ESRRB: variants seen among roughly 807,000 people sequenced by gnomAD.
ESRRB encodes the protein estrogen related receptor beta, also known as steroid hormone receptor ERR2.
In ESRRB, 16 loss-of-function variants were observed where a neutral mutation model predicts 46.0. That is an observed-to-expected ratio of 0.35 (90% CI 0.24 to 0.53). The LOEUF (loss-of-function observed/expected upper bound fraction) is 0.53, where lower values mean the gene tolerates loss of function less well. Ranked by LOEUF, ESRRB falls within the 20% of genes least tolerant of loss-of-function variation. ESRRB has a pLI of 0.93. For missense variants in ESRRB, 488 were observed against 607.4 expected, an observed-to-expected ratio of 0.80 and a Z score of 2.07; for synonymous variants, 246 against 259.6, an observed-to-expected ratio of 0.95 and a Z score of 0.50.
At chr14:76,411,854 G>C (rs1886457303) in intron 1 of ESRRB, among the ~76,000 whole-genome samples, 1 of 152,068 alleles carries the variant, frequency 6.6e-6, no homozygotes, top group African/African-American at 2.4e-5. Context: ...TATAAGAATA[G>C]TATTATTCTG....
At chr14:76,441,348 G>A (rs1389480879) in intron 2 of ESRRB, among the ~76,000 whole-genome samples, 1 of 152,236 alleles carries the variant, frequency 6.6e-6, no homozygotes, top group African/African-American at 2.4e-5. Context: ...GGGTCGCTCT[G>A]TAAAGTCACC....
Position 76,498,641 on chromosome 14 carries a change from GGGGA to G in ESRRB, c.*184_*187del. ...TCCCGGGTGCAGTGGGGTGGGGGAC[GGGGA>G]TGGGGGGGCAGGGGTGTGGGGCTCG... On this transcript the variant is annotated 3_prime_UTR_variant, in exon 7 of 7. Transcript: ENST00000644823. The G allele has an allele frequency of 1.7e-6, 2 of 1,192,184 alleles. No homozygotes were observed. Among genetic ancestry groups the G allele is most frequent in the South Asian group, 1.4e-5 (1 of 73,854 alleles). 73.9% of individuals were successfully genotyped at this position (1,192,184 alleles called of 1,614,324 possible).
At chr14:76,419,989 G>A (rs949069240) in intron 1 of ESRRB, among the ~76,000 whole-genome samples, 5 of 152,180 alleles carry the variant, frequency 3.3e-5, no homozygotes, top group Admixed American at 6.5e-5. Flanking sequence ...TCTGACTCAC[G>A]GGGCAAGAGG....
intron 1 of ESRRB, among the ~76,000 whole-genome samples, chr14:76,353,690 G>A (rs1326208403): frequency 2.0e-5 from 3 of 152,198 alleles, no homozygotes; most frequent in African/African-American, 7.2e-5. Flanking sequence ...GGTGGCTCAT[G>A]CCTGTAATCC....
Position 76,500,074 on chromosome 14 carries a change from T to C in ESRRB, c.*1616T>C. ...AGGACACCAGGAGGCCAGGTAACTT[T>C]CTGCAGCTTTTCCATAGAAGCCCTG... On this transcript the variant is annotated 3_prime_UTR_variant, in exon 7 of 7. Coordinates refer to ENST00000644823, the MANE Select transcript of ESRRB (RefSeq NM_001379180.1). The C allele has an allele frequency of 2.6e-6, 4 of 1,548,894 alleles. No individual in the cohort carries two copies. Among genetic ancestry groups the C allele is most frequent in the Middle Eastern group, 1.7e-4 (1 of 5,844 alleles).
intron 2 of ESRRB, among the ~76,000 whole-genome samples, chr14:76,458,492 G>A (rs989417902): frequency 3.4e-5 from 5 of 148,564 alleles, no homozygotes; most frequent in Non-Finnish European, 7.4e-5. Flanking sequence ...ATGCATGCAG[G>A]CCAACCCCTA....
Position 76,346,352 on chromosome 14 carries a change from C to CG in ESRRB, c.2+35437dup, listed in dbSNP as rs1884249777. ...TGCTAACCCCTCTGATCGGCTGAGA[C>CG]GCCTACAGCCCAGCCTTCTCTAAAT... On this transcript the variant is annotated intron_variant, in intron 1 of 6. Transcript: ENST00000512784. 2.0e-5 allele frequency among the ~76,000 whole-genome samples: 3 copies of CG among 152,080 alleles called. No individual in the cohort carries two copies. The South Asian group carries it at 6.2e-4, about 32-fold the overall frequency.
At chr14:76,490,929 C>T (rs186509440) in intron 5 of ESRRB, among the ~76,000 whole-genome samples, 72 of 152,258 alleles carry the variant, frequency 4.7e-4, no homozygotes, top group African/African-American at 1.5e-3. Context: ...TGAACAGCTG[C>T]GTCCTCGTTC....
intron 1 of ESRRB, among the ~76,000 whole-genome samples, chr14:76,332,642 A>G (rs1266836317): frequency 4.2e-5 from 2 of 47,284 alleles, no homozygotes; most frequent in African/African-American, 1.9e-4. Context: ...ATATATATTT[A>G]TATATTATAT....
At position 76,474,816 on chromosome 14, in the gene ESRRB, CAAACAAAACA is replaced by C. The variant is rs138037395; in HGVS notation, c.578-7172_578-7163del. 3.0e-3 allele frequency among the ~76,000 whole-genome samples: 450 copies of C among 149,436 alleles called. 1 individual carries two copies. Among genetic ancestry groups the C allele is most frequent in the African/African-American group, 6.5e-3 (264 of 40,574 alleles). The stretch of plus-strand genomic sequence containing the variant: ...TGGGTGACAAACTGCGACCCTGTCT[CAAACAAAACA>C]AAACAAAACAAAACAAAACAAAACA... On this transcript the variant is annotated intron_variant, in intron 3 of 6. Transcript: ENST00000644823.
At position 76,482,135 on chromosome 14, in the gene ESRRB, C is replaced by A; in HGVS notation, c.688+9C>A. ...ACCTGCTAAAAAGCCATGTGAGTGT[C>A]AGGGCAGTCCCTGCCCCTTTTGCCA... On this transcript the variant is annotated intron_variant, in intron 4 of 6. Coordinates refer to ENST00000644823, the MANE Select transcript of ESRRB (RefSeq NM_001379180.1). This position sits in a 1 kb window ranked among gnomAD's most constrained non-coding sequence, Gnocchi z 4.3. The A allele has an allele frequency of 6.2e-7, 1 of 1,602,748 alleles. No homozygotes were observed. The highest frequency in any genetic ancestry group is 8.5e-7 in the Non-Finnish European group (1 of 1,169,668).
At chr14:76,359,172 CA>C (rs1415943768) in intron 1 of ESRRB, among the ~76,000 whole-genome samples, 1 of 152,210 alleles carries the variant, frequency 6.6e-6, no homozygotes, top group Non-Finnish European at 1.5e-5. Flanking sequence ...ATCCAGAGGA[CA>C]TCAGTTCCTA....
chr14:76,388,719 C>A (rs1336192860), intron 1 of ESRRB, among the ~76,000 whole-genome samples: 1 of 152,232 alleles, frequency 6.6e-6, no homozygotes, highest in Non-Finnish European at 1.5e-5. Context: ...GTCTTCCTGA[C>A]ATCATCGTCC....
rs1036926956 is a variant in ESRRB at position 76,482,822 on chromosome 14, A to G, written c.850+63A>G. 5 of 1,585,708 alleles carry G rather than the reference A, an allele frequency of 3.2e-6. No individual in the cohort carries two copies. In the South Asian group the frequency reaches 4.4e-5, roughly 14 times the overall value. On this transcript the variant is annotated intron_variant, in intron 5 of 6. Transcript: ENST00000644823. This position sits in a 1 kb window ranked among gnomAD's most constrained non-coding sequence, Gnocchi z 4.3. ...CTCTCAGCCGGTATCTCCGCAGCCT[A>G]CCCAATGGCTGTGCTTCTGATGCCC...
chr14:76,434,043 C>A (rs923315299), intron 1 of ESRRB, among the ~76,000 whole-genome samples: 1 of 150,986 alleles, frequency 6.6e-6, no homozygotes, highest in African/African-American at 2.4e-5. Context: ...ACTGCAGCCT[C>A]TGCTTCCTGT....
intron 1 of ESRRB, among the ~76,000 whole-genome samples, chr14:76,439,009 G>A (rs1315005971): frequency 1.3e-5 from 2 of 151,600 alleles, no homozygotes; most frequent in Admixed American, 6.6e-5. Flanking sequence ...ATGTTGCCCA[G>A]GCTGGTCTCA....
intron 1 of ESRRB, among the ~76,000 whole-genome samples, chr14:76,354,127 C>T (rs1884346681): frequency 6.6e-6 from 1 of 151,864 alleles, no homozygotes; most frequent in African/African-American, 2.4e-5. Context: ...TCCACATACC[C>T]TGACCTCTCC....
intron 3 of ESRRB, among the ~76,000 whole-genome samples, chr14:76,478,510 C>T (rs1414557277): frequency 2.6e-5 from 4 of 151,856 alleles, no homozygotes; most frequent in Admixed American, 6.6e-5. Flanking sequence ...GGATGGGAAG[C>T]GAGAGTTCAT....
chr14:76,406,233 C>T (rs1886179155), intron 1 of ESRRB, among the ~76,000 whole-genome samples: 1 of 152,098 alleles, frequency 6.6e-6, no homozygotes, highest in African/African-American at 2.4e-5. Context: ...AGGGAGGACA[C>T]TGGAGAAAAA....
Sources: allele counts gnomAD v4.1 joint callset (sites outside exome capture counted in the v4.1 genomes callset), GRCh38; gene constraint gnomAD v4.1.1; non-coding constraint Gnocchi (gnomAD v3.1); transcripts MANE v1.5; gene names NCBI Gene and HGNC (gene_info 2026-07-23, HGNC 2026-07-21).